ENOX2: variants seen among roughly 807,000 people sequenced by gnomAD.
ENOX2 encodes the protein ecto-NOX disulfide-thiol exchanger 2.
In ENOX2, 36 loss-of-function variants were observed where a neutral mutation model predicts 45.0. That is an observed-to-expected ratio of 0.80 (90% CI 0.61 to 1.06). The LOEUF (loss-of-function observed/expected upper bound fraction) is 1.06. ENOX2 is among the 50% of genes least tolerant of loss of function. The pLI, the probability that ENOX2 is intolerant of heterozygous loss-of-function variation, is 0.00. For missense variants in ENOX2, 423 were observed against 462.5 expected (o/e 0.91, Z 0.78); for synonymous variants, 174 against 152.3 (o/e 1.14, Z -1.05).
chrX:130,762,701 C>T (rs1603342255), intron 3 of ENOX2, among the ~76,000 whole-genome samples: 1 of 111,836 alleles, frequency 8.9e-6, no homozygotes, highest in African/African-American at 3.2e-5. Flanking sequence ...CGTTTTATTC[C>T]ATTGTGGTTG....
chrX:130,825,290 T>C (rs185563492), intron 2 of ENOX2, among the ~76,000 whole-genome samples: 1 of 111,433 alleles, frequency 9.0e-6, no homozygotes, highest in East Asian at 2.8e-4. Flanking sequence ...TTTACAAACA[T>C]TTAAACTATG....
Position 130,689,844 on chromosome X carries a change from T to C in ENOX2, c.98-826A>G, listed in dbSNP as rs745883667. ...TGGGGGCACCCAAACAAGTATTTTT[T>C]GTGGGGCCTATCTACGTACATGGTT... On this transcript the variant is annotated intron_variant, in intron 4 of 14. Transcript: ENST00000394363. Among the ~76,000 whole-genome samples the C allele has an allele frequency of 1.7e-4, 19 of 111,948 alleles. No individual in the cohort carries two copies. In the South Asian group the frequency reaches 7.2e-3, roughly 43 times the overall value.
At chrX:130,774,765 C>G (rs932146431) in intron 3 of ENOX2, among the ~76,000 whole-genome samples, 2 of 111,623 alleles carry the variant, frequency 1.8e-5, no homozygotes, top group African/African-American at 6.5e-5. Flanking sequence ...AGTTTGATTC[C>G]ATTTGGAATG....
intron 3 of ENOX2, among the ~76,000 whole-genome samples, chrX:130,733,823 G>A (rs2038797983): frequency 8.9e-6 from 1 of 111,936 alleles, no homozygotes; most frequent in Non-Finnish European, 1.9e-5. Context: ...ATTGTTCTGC[G>A]TCTTCACTAT....
chrX:130,715,691 G>A (rs994467981), intron 3 of ENOX2, among the ~76,000 whole-genome samples: 2 of 110,870 alleles, frequency 1.8e-5, no homozygotes, highest in Admixed American at 1.9e-4. Flanking sequence ...AGAAAAACAA[G>A]TAGGGTTATA....
intron 3 of ENOX2, among the ~76,000 whole-genome samples, chrX:130,729,295 C>G (rs150554028): frequency 3.6e-5 from 4 of 111,755 alleles, no homozygotes; most frequent in African/African-American, 1.3e-4. Flanking sequence ...CTGGAAAAAG[C>G]TTCTGAATCC....
At chrX:130,794,763 G>A (rs776865294) in intron 2 of ENOX2, among the ~76,000 whole-genome samples, 3 of 112,196 alleles carry the variant, frequency 2.7e-5, no homozygotes, top group South Asian at 7.4e-4. Flanking sequence ...CTGATGCACC[G>A]CATGAATAAC....
At chrX:130,645,707 C>A in intron 10 of ENOX2, 1 of 677,753 alleles carries the variant, frequency 1.5e-6, no homozygotes, top group South Asian at 2.7e-5. Flanking sequence ...CAGCCGCGCC[C>A]CACATCCACG....
At chrX:130,893,348 A>G (rs1010430281) in intron 2 of ENOX2, among the ~76,000 whole-genome samples, 3 of 111,852 alleles carry the variant, frequency 2.7e-5, no homozygotes, top group African/African-American at 9.8e-5. Flanking sequence ...AATAACAGTC[A>G]CAGATATATA....
At chrX:130,708,044 T>C (rs1396249325) in intron 3 of ENOX2, among the ~76,000 whole-genome samples, 2 of 112,156 alleles carry the variant, frequency 1.8e-5, no homozygotes, top group South Asian at 7.4e-4. Context: ...GTAGAACTTA[T>C]ACTCTAATGC....
At chrX:130,737,275 C>A (rs1400868351) in intron 3 of ENOX2, among the ~76,000 whole-genome samples, 1 of 112,195 alleles carries the variant, frequency 8.9e-6, no homozygotes, top group African/African-American at 3.2e-5. Flanking sequence ...CACCACGATA[C>A]CCAGAATAGC....
chrX:130,878,173 T>C (rs2078742837), intron 2 of ENOX2, among the ~76,000 whole-genome samples: 1 of 112,133 alleles, frequency 8.9e-6, no homozygotes, highest in African/African-American at 3.2e-5. Context: ...GTGAGGTTCT[T>C]CTCTACAGCT....
At position 130,798,887 on chromosome X, in the gene ENOX2, C is replaced by A. The variant is rs901690486; in HGVS notation, c.-182-15197G>T. On this transcript the variant is annotated intron_variant, in intron 2 of 14. Coordinates refer to ENST00000394363, the MANE Select transcript of ENOX2 (RefSeq NM_006375.4). ...ATAACACCATTGGATAAAAATCACA[C>A]TGAATGTGGTTTGCCGATGTCACCT... Among the ~76,000 whole-genome samples the A allele has an allele frequency of 7.1e-5, 8 of 112,305 alleles. No individual in the cohort carries two copies. The East Asian group carries it at 1.7e-3, about 23-fold the overall frequency.
chrX:130,648,295 G>A (rs1056509867), intron 10 of ENOX2, among the ~76,000 whole-genome samples: 1 of 109,976 alleles, frequency 9.1e-6, no homozygotes, highest in Non-Finnish European at 1.9e-5. Flanking sequence ...AAAATTAGCC[G>A]GGTATGGTGG....
At chrX:130,653,993 A>C (rs1470632307) in intron 10 of ENOX2, among the ~76,000 whole-genome samples, 1 of 112,171 alleles carries the variant, frequency 8.9e-6, no homozygotes, top group Admixed American at 9.4e-5. Context: ...CAGATTCTGC[A>C]GCTTAGACAT....
chrX:130,675,619 T>C (rs1211349483), intron 6 of ENOX2, among the ~76,000 whole-genome samples: 5 of 112,025 alleles, frequency 4.5e-5, no homozygotes, highest in Non-Finnish European at 7.5e-5. Flanking sequence ...TATGGATCTA[T>C]AGAAAGGAAG....
intron 2 of ENOX2, among the ~76,000 whole-genome samples, chrX:130,897,811 CTATTTTA>C (rs1417248474): frequency 9.0e-6 from 1 of 111,525 alleles, no homozygotes; most frequent in African/African-American, 3.3e-5. Context: ...AGCCTTTGAA[CTATTTTA>C]TATAGAGACC....
At chrX:130,769,723 G>A (rs1458566753) in intron 3 of ENOX2, among the ~76,000 whole-genome samples, 2 of 111,796 alleles carry the variant, frequency 1.8e-5, no homozygotes, top group Non-Finnish European at 3.8e-5. Flanking sequence ...CTGACACACA[G>A]TAGGCATCCA....
intron 2 of ENOX2, among the ~76,000 whole-genome samples, chrX:130,854,979 CTCTTTCCTA>C (rs769142762): frequency 2.5e-4 from 28 of 111,764 alleles, no homozygotes; most frequent in Non-Finnish European, 4.7e-4. Flanking sequence ...AGACTGAATA[CTCTTTCCTA>C]TTATTGGTAA....
Sources: gnomAD v4.1 joint callset for allele counts (sites outside exome capture counted in the v4.1 genomes callset) on GRCh38, gnomAD v4.1.1 for gene constraint, MANE v1.5 for transcripts, NCBI Gene and HGNC (gene_info 2026-07-23, HGNC 2026-07-21) for gene names.